Variants in CPED1 observed in about 807,000 individuals in gnomAD.
CPED1 encodes cadherin like and PC-esterase domain containing 1.
CPED1 carries 114 observed loss-of-function variants against 128.2 expected under a neutral mutation model. The ratio of observed to expected loss-of-function variants is 0.89; its 90% CI spans 0.76 to 1.04. The LOEUF is 1.04. Among genes scored for constraint, CPED1 ranks in the 50% least tolerant of loss-of-function variants. The probability of loss-of-function intolerance (pLI) is 0.00; values close to 1 mark genes in which losing one functional copy is unlikely to be tolerated. For missense variants in CPED1, 1,211 were observed against 1,207.1 expected, an observed-to-expected ratio of 1.00 and a Z score of -0.05; for synonymous variants, 462 against 426.7, an observed-to-expected ratio of 1.08 and a Z score of -1.02.
rs1286167648 is a variant in CPED1, at chr7:121,256,111, C to CAAAAAAAAAAAAAAAAA, written c.2311-10104_2311-10103insAAAAAAAAAAAAAAAAA. 2.9e-4 allele frequency among the ~76,000 whole-genome samples: 10 copies of CAAAAAAAAAAAAAAAAA among 34,144 alleles called. 1 individual carries two copies. The highest frequency in any genetic ancestry group is 8.8e-4 in the African/African-American group (8 of 9,118). The allele number at this position is 34,144 out of a possible 152,430, so 22.4% of individuals were successfully genotyped here. ...CCCTAATAGTTAAAGCAATCCTAAG[C>CAAAAAAAAAAAAAAAAA]AAAAAAAAAAAACAAAACAAAAAAA... On this transcript the variant is annotated intron_variant, in intron 18 of 22. Coordinates refer to ENST00000310396, the MANE Select transcript of CPED1 (RefSeq NM_024913.5).
chr7:121,017,159 C>T (rs1022462412), intron 3 of CPED1, among the ~76,000 whole-genome samples: 61 of 152,144 alleles, frequency 4.0e-4, no homozygotes, highest in African/African-American at 1.4e-3. Context: ...TCTTAAAATA[C>T]GCAGAGCCTG....
In CPED1 at chr7:121,172,999, T is replaced by C. The variant is rs1796689557; in HGVS notation, c.2055+30858T>C. 2.0e-5 allele frequency among the ~76,000 whole-genome samples: 3 copies of C among 152,138 alleles called. No homozygotes were observed. In the South Asian group the frequency reaches 6.2e-4, roughly 31 times the overall value. On this transcript the variant is annotated intron_variant, in intron 16 of 22. Transcript: ENST00000310396. The stretch of plus-strand genomic sequence containing the variant: ...CCTATGATAGTCATCTTTGTGTGTA[T>C]ACATATTTGAATTTCTATCTAGAAG...
intron 5 of CPED1, chr7:121,083,957 A>G (rs764702553): frequency 6.6e-6 from 1 of 152,214 alleles, no homozygotes; most frequent in Non-Finnish European, 1.5e-5. Context: ...GCTGAGTATT[A>G]TGATTGTTTT....
At chr7:121,068,389 T>A (rs1793903796) in intron 5 of CPED1, among the ~76,000 whole-genome samples, 1 of 152,110 alleles carries the variant, frequency 6.6e-6, no homozygotes, top group Non-Finnish European at 1.5e-5. Flanking sequence ...CCCCATTGCT[T>A]GTTTTTGTCA....
At chr7:121,060,401 T>C (rs1448397696) in intron 4 of CPED1, among the ~76,000 whole-genome samples, 1 of 152,238 alleles carries the variant, frequency 6.6e-6, no homozygotes, top group African/African-American at 2.4e-5. Context: ...GCTGAGCTCC[T>C]GAGTCTGGTG....
chr7:121,046,690 A>T lies in CPED1; in HGVS notation c.434-197A>T, dbSNP rs534486520. Among the ~76,000 whole-genome samples, 33 of 152,162 alleles carry T rather than the reference A, an allele frequency of 2.2e-4. 1 individual carries two copies. Among genetic ancestry groups the T allele is most frequent in the Middle Eastern group, 6.8e-3 (2 of 294 alleles). On this transcript the variant is annotated intron_variant, in intron 3 of 22. Coordinates refer to ENST00000310396, the MANE Select transcript of CPED1 (RefSeq NM_024913.5). ...TTTTCTATAGAATAAAATACTAAAT[A>T]TAAAAATACTAGAAATTCCAAAATT...
At chr7:121,116,034 G>T (rs545536585) in intron 7 of CPED1, among the ~76,000 whole-genome samples, 2 of 152,094 alleles carry the variant, frequency 1.3e-5, no homozygotes, top group Non-Finnish European at 2.9e-5. Flanking sequence ...ATCATTCAAA[G>T]CAAATAATTA....
chr7:121,218,942 A>C (rs1009018027), intron 16 of CPED1, among the ~76,000 whole-genome samples: 31 of 152,074 alleles, frequency 2.0e-4, no homozygotes, highest in African/African-American at 7.2e-4. Context: ...TTCAACCTAC[A>C]AAAACAGGTT....
At chr7:120,996,175 T>G (rs545067677) in intron 2 of CPED1, among the ~76,000 whole-genome samples, 1 of 151,940 alleles carries the variant, frequency 6.6e-6, no homozygotes, top group South Asian at 2.1e-4. Flanking sequence ...CCCCAGCTAC[T>G]CGAGAGGCCA....
intron 5 of CPED1, among the ~76,000 whole-genome samples, chr7:121,085,400 A>G (rs1794397625): frequency 6.6e-6 from 1 of 152,222 alleles, no homozygotes; most frequent in Admixed American, 6.5e-5. Context: ...TTTTCAGTTC[A>G]GTAGGCAAAA....
chr7:121,288,877 G>A (rs1792636513), intron 22 of CPED1, among the ~76,000 whole-genome samples: 2 of 152,076 alleles, frequency 1.3e-5, no homozygotes, highest in South Asian at 2.1e-4. Context: ...TTTCAAGGTC[G>A]AATGTTATAT....
chr7:121,112,344 CATT>C (rs1490341345), intron 7 of CPED1, among the ~76,000 whole-genome samples: 1 of 152,034 alleles, frequency 6.6e-6, no homozygotes, highest in Non-Finnish European at 1.5e-5. Context: ...CTGTGCATGT[CATT>C]ATAAGAGAAA....
chr7:121,199,419 C>G (rs2116556901), intron 16 of CPED1, among the ~76,000 whole-genome samples: 1 of 151,784 alleles, frequency 6.6e-6, no homozygotes, highest in East Asian at 1.9e-4. Flanking sequence ...GTGGCTCACA[C>G]CTATAATCCC....
rs1298164973 is a variant in CPED1 at position 121,266,095 on chromosome 7, C to T, written c.2311-132C>T. ...GGAGAGAATATAATGAATGTTATTT[C>T]TAACAATTTGAAGGGCTGTCCTTCA... On this transcript the variant is annotated intron_variant, in intron 18 of 22. Transcript: ENST00000310396. 4.5e-6 allele frequency: 3 copies of T among 669,130 alleles called. No homozygotes were observed. In the Admixed American group the frequency reaches 7.8e-5, roughly 17 times the overall value. 41.4% of individuals were successfully genotyped at this position (669,130 alleles called of 1,614,324 possible). A position where few individuals can be genotyped will look rare whatever the true frequency, so the allele number is the denominator to read the frequency against.
chr7:121,046,919 C>CT lies in CPED1; in HGVS notation c.467dup (p.Ser157ValfsTer3). The CT allele has an allele frequency of 6.2e-7, 1 of 1,611,962 alleles. No homozygotes were observed. Among genetic ancestry groups the CT allele is most frequent in the Non-Finnish European group, 8.5e-7 (1 of 1,178,734 alleles). On this transcript the variant is annotated frameshift_variant, in exon 4 of 23. Transcript: ENST00000310396. LOFTEE classifies it high-confidence loss of function. ...GGGCTCTTGGGATCTGCTCATTTGCCTGTCTTCTAAGAAAGCAGAAGGAAC... is the reference window on the plus strand; with the variant it reads ...GGGCTCTTGGGATCTGCTCATTTGCCTTGTCTTCTAAGAAAGCAGAAGGAAC...
chr7:121,231,737 A>C (rs1162857167), intron 16 of CPED1, among the ~76,000 whole-genome samples: 3 of 151,970 alleles, frequency 2.0e-5, no homozygotes, highest in Non-Finnish European at 4.4e-5. Flanking sequence ...AAATTGAAAG[A>C]GTTAGGAATC....
chr7:121,274,202 A>ATC (rs139604977), intron 22 of CPED1, among the ~76,000 whole-genome samples: 1,927 of 152,262 alleles, frequency 0.013, 41 homozygotes, highest in African/African-American at 0.045. Flanking sequence ...GGTTACATGT[A>ATC]TCATACCACA....
In CPED1 at chr7:121,125,807, G is replaced by GTT; in HGVS notation, c.1062-10_1062-9dup. Reference sequence around the variant, plus strand: ...TATCTTTACTTTTATGGTACCTTGTGTTTTCATTTTAGATGCAGATTCTGC... The same window carrying GTT: ...TATCTTTACTTTTATGGTACCTTGTGTTTTTTCATTTTAGATGCAGATTCTGC... On this transcript the variant is annotated splice_polypyrimidine_tract_variant and intron_variant, in intron 8 of 22. Coordinates refer to ENST00000310396, the MANE Select transcript of CPED1 (RefSeq NM_024913.5). The GTT allele has an allele frequency of 6.3e-7, 1 of 1,598,412 alleles. No individual in the cohort carries two copies. The highest frequency in any genetic ancestry group is 1.3e-5 in the African/African-American group (1 of 74,712).
rs750530352 is a variant in CPED1 at position 121,133,848 on chromosome 7, A to G, written c.1603A>G (p.Ile535Val). Residue 535 changes from isoleucine to valine, a missense_variant, in exon 13 of 23, where the codon ATT (isoleucine) becomes GTT (valine). Coordinates refer to ENST00000310396, the MANE Select transcript of CPED1 (RefSeq NM_024913.5). ...EWNSFTEDKN[I>V]EKPQVPFDAI... ...GAATTCTTTCACAGAAGATAAGAAC[A>G]TTGAAAAACCACAAGTGCCATTTGA... The G allele has an allele frequency of 2.5e-6, 4 of 1,603,500 alleles. No individual in the cohort carries two copies. Among genetic ancestry groups the G allele is most frequent in the East Asian group, 2.2e-5 (1 of 44,628 alleles).
Sources: gnomAD v4.1 joint callset for allele counts (sites outside exome capture counted in the v4.1 genomes callset) on GRCh38, gnomAD v4.1.1 for gene constraint, MANE v1.5 for transcripts, NCBI Gene and HGNC (gene_info 2026-07-23, HGNC 2026-07-21) for gene names.